NCKAP5: variants seen among roughly 807,000 people sequenced by gnomAD.
NCKAP5 encodes the protein nck-associated protein 5.
In NCKAP5, 92 loss-of-function variants were observed where a neutral mutation model predicts 167.0. The observed-to-expected ratio is 0.55, with a 90% CI of 0.47 to 0.66. The LOEUF is 0.66. Among genes scored for constraint, NCKAP5 ranks in the 30% least tolerant of loss-of-function variants. The pLI, the probability that NCKAP5 is intolerant of heterozygous loss-of-function variation, is 0.00. For missense variants in NCKAP5, 2,378 were observed against 2,315.0 expected (o/e 1.03, Z -0.56); for synonymous variants, 891 against 877.4 (o/e 1.02, Z -0.27).
chr2:133,193,341 G>A (rs1559249623), intron 5 of NCKAP5, among the ~76,000 whole-genome samples: 2 of 151,778 alleles, frequency 1.3e-5, no homozygotes, highest in African/African-American at 2.4e-5. Flanking sequence ...CTGTATCAAT[G>A]TCAACTGATA....
chr2:133,249,810 C>T (rs182591149), intron 4 of NCKAP5, among the ~76,000 whole-genome samples: 5 of 152,028 alleles, frequency 3.3e-5, no homozygotes, highest in East Asian at 1.9e-4. Flanking sequence ...CAAGGTGGGG[C>T]GGTTTGGGAA....
chr2:132,779,862 T>C lies in NCKAP5; in HGVS notation c.5049+1190A>G, dbSNP rs1291976580. Among the ~76,000 whole-genome samples, 3 of 152,174 alleles carry C rather than the reference T, an allele frequency of 2.0e-5. No individual in the cohort carries two copies. In the East Asian group the frequency reaches 5.8e-4, roughly 29 times the overall value. On this transcript the variant is annotated intron_variant, in intron 15 of 19. Transcript: ENST00000409261. ...ACTCTTGAATGACCCCAGAAAATAA[T>C]GCAGGGAAATATTTCAAGTTTTCCC...
intron 16 of NCKAP5, among the ~76,000 whole-genome samples, chr2:132,758,901 T>G (rs764988145): frequency 2.1e-4 from 32 of 152,214 alleles, no homozygotes; most frequent in Admixed American, 5.2e-4. Flanking sequence ...ATTTAAATCA[T>G]CAGCATAACC....
intron 2 of NCKAP5, among the ~76,000 whole-genome samples, chr2:133,541,337 A>G (rs1686213644): frequency 6.6e-6 from 1 of 152,116 alleles, no homozygotes; most frequent in Non-Finnish European, 1.5e-5. Context: ...AAAGGATTCA[A>G]CTAAAGTTGG....
intron 16 of NCKAP5, among the ~76,000 whole-genome samples, chr2:132,767,150 C>A (rs1365779490): frequency 6.6e-6 from 1 of 152,206 alleles, no homozygotes; most frequent in Non-Finnish European, 1.5e-5. Flanking sequence ...CTGAAGTAGG[C>A]TTGATCCTGT....
chr2:132,747,179 A>AAAAAC (rs958707240), intron 16 of NCKAP5, among the ~76,000 whole-genome samples: 1 of 151,996 alleles, frequency 6.6e-6, no homozygotes, highest in Non-Finnish European at 1.5e-5. Flanking sequence ...GCCAAAAAAA[A>AAAAAC]AAAACAAAAC....
At chr2:133,518,446 C>T (rs952963776) in intron 2 of NCKAP5, among the ~76,000 whole-genome samples, 31 of 149,486 alleles carry the variant, frequency 2.1e-4, no homozygotes, top group African/African-American at 7.6e-4. Flanking sequence ...GCTCCGCCTC[C>T]CTGGTTCACG....
At chr2:133,548,929 C>A (rs531898467) in intron 2 of NCKAP5, among the ~76,000 whole-genome samples, 3 of 151,980 alleles carry the variant, frequency 2.0e-5, no homozygotes, top group East Asian at 3.9e-4. Flanking sequence ...AAGACACAGA[C>A]GGGCAAATTG....
chr2:133,308,222 G>A (rs1265433434), intron 3 of NCKAP5, among the ~76,000 whole-genome samples: 1 of 151,194 alleles, frequency 6.6e-6, no homozygotes, highest in African/African-American at 2.4e-5. Flanking sequence ...CCGAGTAGCT[G>A]GGACTACAGG....
chr2:133,015,647 T>C (rs1220374242), intron 6 of NCKAP5, among the ~76,000 whole-genome samples: 2 of 152,170 alleles, frequency 1.3e-5, no homozygotes, highest in Admixed American at 1.3e-4. Flanking sequence ...CCAAACACAA[T>C]CCATTCATTC....
chr2:133,132,559 T>C lies in NCKAP5; in HGVS notation c.208-2448A>G, dbSNP rs531000487. Among the ~76,000 whole-genome samples the C allele has an allele frequency of 6.0e-5, 9 of 150,356 alleles. No individual in the cohort carries two copies. In the South Asian group the frequency reaches 1.7e-3, roughly 28 times the overall value. ...AGAAAATTCTAAGGAATTAAGACTATGAGGGCAAAAGCTTTTTACTAAAAT... is the reference window on the plus strand; with the variant it reads ...AGAAAATTCTAAGGAATTAAGACTACGAGGGCAAAAGCTTTTTACTAAAAT... On this transcript the variant is annotated intron_variant, in intron 5 of 19. Transcript: ENST00000409261.
chr2:133,553,971 T>C (rs1326670847), intron 2 of NCKAP5, among the ~76,000 whole-genome samples: 2 of 152,174 alleles, frequency 1.3e-5, no homozygotes, highest in Admixed American at 6.5e-5. Flanking sequence ...AATCAATGTG[T>C]CAAGTGTCAG....
At chr2:133,545,361 A>G (rs1031391466) in intron 2 of NCKAP5, among the ~76,000 whole-genome samples, 2 of 152,160 alleles carry the variant, frequency 1.3e-5, no homozygotes, top group African/African-American at 2.4e-5. Flanking sequence ...AAGCTGGCTG[A>G]CGCGTTTGGT....
At chr2:133,520,813 T>C (rs1322395170) in intron 2 of NCKAP5, among the ~76,000 whole-genome samples, 1 of 152,190 alleles carries the variant, frequency 6.6e-6, no homozygotes, top group East Asian at 1.9e-4. Flanking sequence ...ATTCAAATGA[T>C]TTAGCAACAA....
At chr2:133,425,226 C>T (rs1329998754) in intron 3 of NCKAP5, among the ~76,000 whole-genome samples, 7 of 152,130 alleles carry the variant, frequency 4.6e-5, no homozygotes, top group South Asian at 2.1e-4. Context: ...GAAACATTAT[C>T]GCACAGGTGA....
At chr2:133,386,975 A>G (rs1166902064) in intron 3 of NCKAP5, among the ~76,000 whole-genome samples, 1 of 152,144 alleles carries the variant, frequency 6.6e-6, no homozygotes, top group Admixed American at 6.6e-5. Flanking sequence ...AAGGCAGCAC[A>G]CTGATGGGTC....
At chr2:132,742,684 T>C (rs1480276523) in intron 16 of NCKAP5, among the ~76,000 whole-genome samples, 1 of 151,960 alleles carries the variant, frequency 6.6e-6, no homozygotes. Context: ...AATTACTTTT[T>C]CAATTATATG....
In NCKAP5 at chr2:133,213,768, G is replaced by A; in HGVS notation, c.155C>T (p.Ala52Val). ...QHRSLWREKL[A>V]VARLQREVAQ... ...AACTTCTCGCTGTAGTCGGGCCACT[G>A]CCAACTTCTCCCTGAAGAAACAAAA... Residue 52 changes from alanine to valine, a missense_variant, in exon 5 of 20, where the codon GCA becomes GTA. By Grantham distance (64) the Ala-to-Val change is moderately conservative. Transcript: ENST00000409261. 1 of 1,613,742 alleles carries A rather than the reference G, an allele frequency of 6.2e-7. No individual in the cohort carries two copies. The highest frequency in any genetic ancestry group is 8.5e-7 in the Non-Finnish European group (1 of 1,179,774).
intron 11 of NCKAP5, among the ~76,000 whole-genome samples, chr2:132,839,294 T>C (rs1281769103): frequency 6.6e-6 from 1 of 152,240 alleles, no homozygotes; most frequent in East Asian, 1.9e-4. Context: ...ATATCTACTA[T>C]TTCTTCTACA....
Sources: gnomAD v4.1 joint callset for allele counts (sites outside exome capture counted in the v4.1 genomes callset) on GRCh38, gnomAD v4.1.1 for gene constraint, MANE v1.5 for transcripts, NCBI Gene and HGNC (gene_info 2026-07-23, HGNC 2026-07-21) for gene names.